The following DOCK5 variants were observed in gnomAD, a reference collection of about 807,000 sequenced individuals.
DOCK5 encodes dedicator of cytokinesis protein 5.
DOCK5 carries 142 observed loss-of-function variants against 251.8 expected under a neutral mutation model. The observed-to-expected ratio is 0.56, with a 90% CI of 0.49 to 0.65. The LOEUF is 0.65. Among genes scored for constraint, DOCK5 ranks in the 30% least tolerant of loss-of-function variants. DOCK5 has a pLI of 0.00. For synonymous variants in DOCK5, 842 were observed against 835.5 expected (o/e 1.01, Z -0.13); for missense variants, 2,111 against 2,312.3 (o/e 0.91, Z 1.79).
Position 25,187,377 on chromosome 8 carries a change from TGTG to T in DOCK5, c.43+2427_43+2429del, listed in dbSNP as rs1421321049. ...TATGGGTGGAAATTGTGTGTGTGTG[TGTG>T]TGTGTGTGTGTGTGTGTAAAATATT... On this transcript the variant is annotated intron_variant, in intron 1 of 51. Transcript: ENST00000276440. Among the ~76,000 whole-genome samples, 76 of 150,802 alleles carry T rather than the reference TGTG, an allele frequency of 5.0e-4. 1 individual carries two copies. The highest frequency in any genetic ancestry group is 1.8e-3 in the African/African-American group (74 of 40,876).
rs148558978 is a variant in DOCK5 at position 25,262,143 on chromosome 8, C to T, written c.128-6702C>T. 3.2e-3 allele frequency among the ~76,000 whole-genome samples: 487 copies of T among 152,130 alleles called. 2 individuals are homozygous for T. The highest frequency in any genetic ancestry group is 6.0e-3 in the Non-Finnish European group (405 of 68,014). On this transcript the variant is annotated intron_variant, in intron 2 of 51. Coordinates refer to ENST00000276440, the MANE Select transcript of DOCK5 (RefSeq NM_024940.8). Reference sequence around the variant, plus strand: ...GTGGCCAGGTCATAGGATAAGTGTACGTTTAACTTTATAAGAAACCACCAG... The same window carrying T: ...GTGGCCAGGTCATAGGATAAGTGTATGTTTAACTTTATAAGAAACCACCAG...
chr8:25,379,444 G>A (rs34189765), intron 38 of DOCK5, among the ~76,000 whole-genome samples: 1 of 151,938 alleles, frequency 6.6e-6, no homozygotes, highest in Non-Finnish European at 1.5e-5. Context: ...AAATGTGGCT[G>A]TTTTTGCCCG....
chr8:25,391,840 T>G (rs1236111168), intron 42 of DOCK5, 56 bp from the exon 43 acceptor site: 10 of 1,532,440 alleles, frequency 6.5e-6, no homozygotes, highest in Non-Finnish European at 9.0e-6. Flanking sequence ...TGAAGTCAAG[T>G]CAAGCAGTGG....
chr8:25,345,628 C>T lies in DOCK5; in HGVS notation c.2754+17C>T, dbSNP rs1279917717. The T allele has an allele frequency of 3.7e-6, 6 of 1,613,226 alleles. No individual in the cohort carries two copies. Among genetic ancestry groups the T allele is most frequent in the Admixed American group, 1.7e-5 (1 of 60,012 alleles). ...AAGGATGTGGTGAGTTGAGTCATCA[C>T]TGATGCTGCACAGAGTTCACACTGT... On this transcript the variant is annotated intron_variant, in intron 26 of 51. Coordinates refer to ENST00000276440, the MANE Select transcript of DOCK5 (RefSeq NM_024940.8).
chr8:25,341,848 A>G, intron 24 of DOCK5, 39 bp downstream of exon 24: 1 of 1,502,316 alleles, frequency 6.7e-7, no homozygotes, highest in South Asian at 1.2e-5. Flanking sequence ...TAACTCTAAC[A>G]GAAACAGCTC....
At position 25,189,042 on chromosome 8, in the gene DOCK5, C is replaced by CTTTTTTTTTTTTTTTTTTT. The variant is rs1432735816; in HGVS notation, c.43+4094_43+4095insTTTTTTTTTTTTTTTTTTT. Among the ~76,000 whole-genome samples, 2 of 97,642 alleles carry CTTTTTTTTTTTTTTTTTTT rather than the reference C, an allele frequency of 2.0e-5. 1 individual carries two copies. Among genetic ancestry groups the CTTTTTTTTTTTTTTTTTTT allele is most frequent in the African/African-American group, 6.8e-5 (2 of 29,218 alleles). The allele number at this position is 97,642 out of a possible 152,430, so 64.1% of individuals were successfully genotyped here. A position where few individuals can be genotyped will look rare whatever the true frequency, so the allele number is the denominator to read the frequency against. ...TTTTTTTCTTTTCTTTTCTTTCTTT[C>CTTTTTTTTTTTTTTTTTTT]TTTCTTTTTTTTTTTTTTTTTTTTG... On this transcript the variant is annotated intron_variant, in intron 1 of 51. Transcript: ENST00000276440.
At chr8:25,387,012 A>G (rs901061434) in intron 40 of DOCK5, among the ~76,000 whole-genome samples, 1 of 152,208 alleles carries the variant, frequency 6.6e-6, no homozygotes, top group Non-Finnish European at 1.5e-5. Flanking sequence ...ATACTGTAGA[A>G]TATAAAATCC....
At chr8:25,308,503 G>A (rs1007008912) in intron 11 of DOCK5, among the ~76,000 whole-genome samples, 2 of 152,170 alleles carry the variant, frequency 1.3e-5, no homozygotes, top group Non-Finnish European at 2.9e-5. Flanking sequence ...GCCTCTGAAA[G>A]AGCATGGAGT....
intron 1 of DOCK5, among the ~76,000 whole-genome samples, chr8:25,220,512 A>G (rs1802356783): frequency 6.6e-6 from 1 of 151,922 alleles, no homozygotes; most frequent in Non-Finnish European, 1.5e-5. Context: ...TGTCTGCAGC[A>G]GGAGGGGCTG....
At chr8:25,286,303 C>G (rs1179579943) in intron 5 of DOCK5, among the ~76,000 whole-genome samples, 1 of 152,122 alleles carries the variant, frequency 6.6e-6, no homozygotes, top group African/African-American at 2.4e-5. Flanking sequence ...GTGAGATGAT[C>G]AGAGTCAGAT....
chr8:25,297,903 A>G (rs1453127354), intron 7 of DOCK5, among the ~76,000 whole-genome samples: 1 of 151,874 alleles, frequency 6.6e-6, no homozygotes. Context: ...AAATTTTTTA[A>G]AAAATTAGCT....
chr8:25,287,908 G>A (rs1804381682), intron 5 of DOCK5, among the ~76,000 whole-genome samples: 1 of 144,518 alleles, frequency 6.9e-6, no homozygotes, highest in Non-Finnish European at 1.5e-5. Context: ...TTTTTGAGAT[G>A]GAGTTTCTTT....
At chr8:25,207,274 T>C (rs1802022929) in intron 1 of DOCK5, among the ~76,000 whole-genome samples, 1 of 152,196 alleles carries the variant, frequency 6.6e-6, no homozygotes, top group Non-Finnish European at 1.5e-5. Flanking sequence ...AGGCAGCAAG[T>C]GCTGATATAG....
intron 29 of DOCK5, 100 bp downstream of exon 29, chr8:25,363,241 A>G (rs1016254370): frequency 5.2e-6 from 5 of 960,538 alleles, no homozygotes; most frequent in African/African-American, 1.6e-5. Flanking sequence ...CCTCAAACCC[A>G]TCATCTGTAA....
chr8:25,336,446 A>G, intron 22 of DOCK5, 73 bp downstream of exon 22: 1 of 1,553,796 alleles, frequency 6.4e-7, no homozygotes, highest in South Asian at 1.2e-5. Context: ...CACTCTGCAC[A>G]GTGGTGTTCA....
chr8:25,382,797 G>A lies in DOCK5; in HGVS notation c.4131+19G>A, dbSNP rs369178319. 19 of 1,588,662 alleles carry A rather than the reference G, an allele frequency of 1.2e-5. No individual in the cohort carries two copies. In the African/African-American group the frequency reaches 2.0e-4, roughly 17 times the overall value. ...CCTACGGGTAAGAAACCTGATGGTGGTCTCCCAGGCCATTAGGAGGAGGGA... is the reference window on the plus strand; with the variant it reads ...CCTACGGGTAAGAAACCTGATGGTGATCTCCCAGGCCATTAGGAGGAGGGA... On this transcript the variant is annotated intron_variant, in intron 40 of 51. Transcript: ENST00000276440.
At chr8:25,220,102 A>ATTC (rs1191520418) in intron 1 of DOCK5, among the ~76,000 whole-genome samples, 1 of 150,754 alleles carries the variant, frequency 6.6e-6, no homozygotes, top group African/African-American at 2.4e-5. Flanking sequence ...TATTATTATT[A>ATTC]TTATTTTAGT....
Position 25,382,664 on chromosome 8 carries a change from T to C in DOCK5, c.4027-10T>C. 1 of 1,599,440 alleles carries C rather than the reference T, an allele frequency of 6.3e-7. No homozygotes were observed. The highest frequency in any genetic ancestry group is 1.1e-5 in the South Asian group (1 of 88,730). On this transcript the variant is annotated splice_polypyrimidine_tract_variant and intron_variant, in intron 39 of 51. Coordinates refer to ENST00000276440, the MANE Select transcript of DOCK5 (RefSeq NM_024940.8). ...AACCTCCCCTTGGAATGTCTTGTTT[T>C]GTTTTCCAGAAAAAAAGGGCCTCAT...
At chr8:25,383,403 C>G (rs992120487) in intron 40 of DOCK5, among the ~76,000 whole-genome samples, 1 of 152,178 alleles carries the variant, frequency 6.6e-6, no homozygotes, top group African/African-American at 2.4e-5. Flanking sequence ...ACAGTTTATT[C>G]ATTCAGTCAG....
Sources: allele counts gnomAD v4.1 joint callset (sites outside exome capture counted in the v4.1 genomes callset), GRCh38; gene constraint gnomAD v4.1.1; transcripts MANE v1.5; gene names NCBI Gene and HGNC (gene_info 2026-07-23, HGNC 2026-07-21).